PCDHGB3: variants seen among roughly 807,000 people sequenced by gnomAD.
The protein encoded by PCDHGB3 is protocadherin gamma subfamily B, 3, also known as protocadherin gamma-B3.
In PCDHGB3, 40 loss-of-function variants were observed where a neutral mutation model predicts 59.2. That is an observed-to-expected ratio of 0.68 (90% CI 0.52 to 0.88). The LOEUF (loss-of-function observed/expected upper bound fraction) is 0.88, where lower values mean the gene tolerates loss of function less well. PCDHGB3 is among the 40% of genes least tolerant of loss of function. The pLI is 0.00. For synonymous variants in PCDHGB3, 581 were observed against 503.6 expected (o/e 1.15, Z -2.06); for missense variants, 1,309 against 1,187.9 (o/e 1.10, Z -1.50).
At chr5:141,423,499 G>T (rs1590485367) in intron 1 of PCDHGB3, 1 of 1,613,966 alleles carries the variant, frequency 6.2e-7, no homozygotes, top group Non-Finnish European at 8.5e-7. Context: ...TTCCCACGAG[G>T]TCTCTCTCAT....
rs1456451105 is a variant in PCDHGB3 at position 141,477,377 on chromosome 5, C to T, written c.2416-17430C>T. Reference sequence around the variant, plus strand: ...TGCAGACCTGGATCGGGAGACTGTGCCAGAATACAACCTCAGCATCACCGC... The same window carrying T: ...TGCAGACCTGGATCGGGAGACTGTGTCAGAATACAACCTCAGCATCACCGC... On this transcript the variant is annotated intron_variant, in intron 1 of 3. Coordinates refer to ENST00000576222, the MANE Select transcript of PCDHGB3 (RefSeq NM_018924.5). This position sits in a 1 kb window ranked among gnomAD's most constrained non-coding sequence, Gnocchi z 4.9. 1 of 1,614,144 alleles carries T rather than the reference C, an allele frequency of 6.2e-7. No homozygotes were observed. Among genetic ancestry groups the T allele is most frequent in the South Asian group, 1.1e-5 (1 of 91,080 alleles).
At chr5:141,494,069 C>T (rs1249076667) in intron 1 of PCDHGB3, among the ~76,000 whole-genome samples, 1 of 152,146 alleles carries the variant, frequency 6.6e-6, no homozygotes, top group Non-Finnish European at 1.5e-5. Context: ...GAGCTGGATC[C>T]CTCCCCGCTG....
intron 1 of PCDHGB3, chr5:141,418,770 A>G: frequency 6.2e-7 from 1 of 1,613,892 alleles, no homozygotes; most frequent in Non-Finnish European, 8.5e-7. Context: ...ATTCTAACTC[A>G]GCAGCCTTTG....
At chr5:141,419,299 C>T in intron 1 of PCDHGB3, 12 of 1,614,048 alleles carry the variant, frequency 7.4e-6, no homozygotes, top group Non-Finnish European at 1.0e-5. Flanking sequence ...CTGACCCAGA[C>T]TTCGGGCTCA....
At chr5:141,399,309 C>G (rs2093783867) in intron 1 of PCDHGB3, 1 of 1,613,902 alleles carries the variant, frequency 6.2e-7, no homozygotes, top group Non-Finnish European at 8.5e-7. Context: ...TCTCTTCATC[C>G]AAAAATTCGT....
intron 1 of PCDHGB3, chr5:141,415,199 T>C (rs761532551): frequency 1.7e-5 from 28 of 1,613,880 alleles, no homozygotes; most frequent in Non-Finnish European, 2.4e-5. Flanking sequence ...ATCCCCCAAG[T>C]CCTGGCGGAC....
At chr5:141,375,607 C>T in intron 1 of PCDHGB3, 1 of 1,614,216 alleles carries the variant, frequency 6.2e-7, no homozygotes, top group East Asian at 2.2e-5. Context: ...TGTCCATCAA[C>T]TCCGACACTG....
Position 141,477,686 on chromosome 5 carries a change from C to T in PCDHGB3, c.2416-17121C>T, listed in dbSNP as rs201090822. Reference sequence around the variant, plus strand: ...CAATGGCATAGTGTCATCCTTAGTGCCCCTAGACTATGAGGATCGGCGGGA... The same window carrying T: ...CAATGGCATAGTGTCATCCTTAGTGTCCCTAGACTATGAGGATCGGCGGGA... On this transcript the variant is annotated intron_variant, in intron 1 of 3. Coordinates refer to ENST00000576222, the MANE Select transcript of PCDHGB3 (RefSeq NM_018924.5). This position sits in a 1 kb window ranked among gnomAD's most constrained non-coding sequence, Gnocchi z 4.9. The T allele has an allele frequency of 4.3e-6, 7 of 1,614,024 alleles. No homozygotes were observed. The highest frequency in any genetic ancestry group is 1.6e-4 in the Middle Eastern group (1 of 6,084).
chr5:141,462,818 C>T (rs1280335120), intron 1 of PCDHGB3, among the ~76,000 whole-genome samples: 1 of 152,120 alleles, frequency 6.6e-6, no homozygotes, highest in East Asian at 1.9e-4. Flanking sequence ...TTTTATTGGA[C>T]AGCAGACATT....
intron 1 of PCDHGB3, among the ~76,000 whole-genome samples, chr5:141,484,369 G>A (rs1218433750): frequency 6.6e-6 from 1 of 152,164 alleles, no homozygotes; most frequent in Non-Finnish European, 1.5e-5. Flanking sequence ...TGTATCACTA[G>A]CAAATGTCTG....
chr5:141,469,112 A>T (rs1207790108), intron 1 of PCDHGB3, among the ~76,000 whole-genome samples: 1 of 151,698 alleles, frequency 6.6e-6, no homozygotes, highest in African/African-American at 2.4e-5. Flanking sequence ...ACCTGTCTCT[A>T]AAAAAATTTA....
chr5:141,490,933 C>T lies in PCDHGB3; in HGVS notation c.2416-3874C>T, dbSNP rs781291690. ...CGAGAATGATAATGCCCCAGCTGTG[C>T]TGCACCCACGGCCAGACTGGGAACA... On this transcript the variant is annotated intron_variant, in intron 1 of 3. Transcript: ENST00000576222. The surrounding 1 kb of genome is among the most constrained non-coding windows in gnomAD (Gnocchi z 5.4). 5.0e-6 allele frequency: 8 copies of T among 1,613,702 alleles called. No individual in the cohort carries two copies. The highest frequency in any genetic ancestry group is 5.9e-6 in the Non-Finnish European group (7 of 1,179,770).
intron 1 of PCDHGB3, chr5:141,442,134 AG>A (rs1365375748): frequency 6.1e-6 from 1 of 163,744 alleles, no homozygotes; most frequent in African/African-American, 2.4e-5. Context: ...AGCCTGCAGG[AG>A]ACTCTGCCAG....
At chr5:141,394,486 A>G (rs1446259630) in intron 1 of PCDHGB3, 2 of 1,613,980 alleles carry the variant, frequency 1.2e-6, no homozygotes, top group Non-Finnish European at 8.5e-7. Flanking sequence ...CAGAATGACA[A>G]CGCGCCCGAG....
At chr5:141,409,840 G>A (rs1361942011) in intron 1 of PCDHGB3, 3 of 1,611,558 alleles carry the variant, frequency 1.9e-6, no homozygotes, top group African/African-American at 1.3e-5. Flanking sequence ...GCGCCAACGT[G>A]AGCCTGCGCG....
intron 1 of PCDHGB3, chr5:141,373,950 A>G (rs2150030574): frequency 1.2e-6 from 1 of 822,986 alleles, no homozygotes; most frequent in Non-Finnish European, 1.8e-6. Context: ...CTGTGCAGAA[A>G]TTCTGACCTG....
At chr5:141,372,841 T>C (rs887025706) in intron 1 of PCDHGB3, 32 bp downstream of exon 1, 1 of 1,514,832 alleles carries the variant, frequency 6.6e-7, no homozygotes. Flanking sequence ...CTTCCATAAA[T>C]ATAATTGGGT....
chr5:141,399,283 G>A, intron 1 of PCDHGB3: 2 of 1,613,888 alleles, frequency 1.2e-6, no homozygotes, highest in Non-Finnish European at 1.7e-6. Flanking sequence ...ACAAGGCGAA[G>A]TCCCTTTTAA....
chr5:141,497,793 G>A (rs2099779480), intron 2 of PCDHGB3, among the ~76,000 whole-genome samples: 1 of 152,180 alleles, frequency 6.6e-6, no homozygotes, highest in Admixed American at 6.5e-5. Flanking sequence ...ACCTGCTTCA[G>A]CTTCCCAAAG....
Sources: gnomAD v4.1 joint callset for allele counts (sites outside exome capture counted in the v4.1 genomes callset) on GRCh38, gnomAD v4.1.1 for gene constraint, Gnocchi (gnomAD v3.1) non-coding constraint, MANE v1.5 for transcripts, NCBI Gene and HGNC (gene_info 2026-07-23, HGNC 2026-07-21) for gene names.